The following CREB3L2 variants were observed in gnomAD, a reference collection of about 807,000 sequenced individuals.
The protein encoded by CREB3L2 is cyclic AMP-responsive element-binding protein 3-like protein 2.
A neutral mutation model predicts 57.2 loss-of-function variants in CREB3L2; 23 were observed. The observed-to-expected ratio is 0.40, with a 90% CI of 0.29 to 0.57. The LOEUF (loss-of-function observed/expected upper bound fraction) is 0.57. Among genes scored for constraint, CREB3L2 ranks in the 20% least tolerant of loss-of-function variants. The probability of loss-of-function intolerance (pLI) is 0.42; values close to 1 mark genes in which losing one functional copy is unlikely to be tolerated. For missense variants in CREB3L2, 628 were observed against 634.7 expected (o/e 0.99, Z 0.11); for synonymous variants, 268 against 265.1 (o/e 1.01, Z -0.11).
intron 1 of CREB3L2, among the ~76,000 whole-genome samples, chr7:137,937,324 T>C (rs1800805556): frequency 6.6e-6 from 1 of 152,174 alleles, no homozygotes; most frequent in Non-Finnish European, 1.5e-5. Flanking sequence ...CAAGGCCTCC[T>C]TCCAGCAAAA....
At chr7:137,883,512 T>C (rs1324899690) in intron 10 of CREB3L2, among the ~76,000 whole-genome samples, 2 of 152,230 alleles carry the variant, frequency 1.3e-5, no homozygotes, top group Non-Finnish European at 2.9e-5. Context: ...GTAGGGTTCA[T>C]ATGCCTTTTC....
intron 1 of CREB3L2, among the ~76,000 whole-genome samples, chr7:137,988,473 G>A (rs1377211709): frequency 6.6e-6 from 1 of 152,118 alleles, no homozygotes; most frequent in Admixed American, 6.6e-5. Flanking sequence ...AACCAATTAG[G>A]GCTTGTTTCT....
chr7:137,947,205 C>T (rs988568391), intron 1 of CREB3L2, among the ~76,000 whole-genome samples: 2 of 151,244 alleles, frequency 1.3e-5, no homozygotes, highest in Admixed American at 6.6e-5. Flanking sequence ...CATGCTGGCA[C>T]CCTGATCTCA....
chr7:137,970,095 A>T (rs754695792), intron 1 of CREB3L2, among the ~76,000 whole-genome samples: 9 of 152,200 alleles, frequency 5.9e-5, no homozygotes, highest in Non-Finnish European at 1.3e-4. Flanking sequence ...CCTACACTGG[A>T]ATACCATCTA....
chr7:137,937,823 C>CA (rs3087067), intron 1 of CREB3L2, among the ~76,000 whole-genome samples: 6,840 of 135,070 alleles, frequency 0.051, 540 homozygotes, highest in African/African-American at 0.18. Flanking sequence ...GGCTTATTAC[C>CA]AAAAAAAAAA....
At chr7:137,933,188 T>A (rs1800694299) in intron 1 of CREB3L2, among the ~76,000 whole-genome samples, 1 of 152,192 alleles carries the variant, frequency 6.6e-6, no homozygotes, top group Admixed American at 6.5e-5. Context: ...CAAAACTAAG[T>A]TAACAAAAAG....
intron 1 of CREB3L2, among the ~76,000 whole-genome samples, chr7:137,969,562 G>A (rs1184138361): frequency 3.3e-5 from 5 of 151,162 alleles, no homozygotes; most frequent in Non-Finnish European, 5.9e-5. Context: ...CATGTTAACC[G>A]GGATGGTCTC....
chr7:137,918,019 A>G (rs1221806052), intron 2 of CREB3L2, among the ~76,000 whole-genome samples: 1 of 152,142 alleles, frequency 6.6e-6, no homozygotes, highest in Non-Finnish European at 1.5e-5. Context: ...CCAGAGATGG[A>G]GCAACTGGAC....
intron 8 of CREB3L2, among the ~76,000 whole-genome samples, chr7:137,887,733 C>A (rs887445721): frequency 6.6e-6 from 1 of 151,914 alleles, no homozygotes; most frequent in Non-Finnish European, 1.5e-5. Flanking sequence ...AATTTCTATG[C>A]GTTTCTATCT....
At chr7:137,898,287 G>C (rs1799668384) in intron 8 of CREB3L2, among the ~76,000 whole-genome samples, 1 of 152,144 alleles carries the variant, frequency 6.6e-6, no homozygotes, top group South Asian at 2.1e-4. Flanking sequence ...GTGGAGAAAA[G>C]GGAACCCTTC....
At chr7:137,954,343 G>A (rs1227056642) in intron 1 of CREB3L2, among the ~76,000 whole-genome samples, 1 of 152,128 alleles carries the variant, frequency 6.6e-6, no homozygotes, top group Admixed American at 6.5e-5. Flanking sequence ...AAATACTCTT[G>A]CTCTTGCAGG....
intron 1 of CREB3L2, among the ~76,000 whole-genome samples, chr7:137,930,492 G>A (rs1377722783): frequency 6.6e-6 from 1 of 152,240 alleles, no homozygotes; most frequent in African/African-American, 2.4e-5. Context: ...GGGAAGATGG[G>A]AGATGTCCCT....
chr7:137,957,718 G>A, intron 1 of CREB3L2: 1 of 1,260,740 alleles, frequency 7.9e-7, no homozygotes, highest in Non-Finnish European at 1.0e-6. Context: ...CAATTTACAG[G>A]CTTCACAAGT....
rs150711463 is a variant in CREB3L2, at chr7:137,891,540, T to C, written c.1044-6038A>G. Among the ~76,000 whole-genome samples, 308 of 152,014 alleles carry C rather than the reference T, an allele frequency of 2.0e-3. 1 individual carries two copies. The highest frequency in any genetic ancestry group is 7.0e-3 in the African/African-American group (289 of 41,496). ...TGGTGGTTCCCAATTATTTGCTGTG[T>C]TGGGAGCTTCAACTTAGGCCCTCTC... On this transcript the variant is annotated intron_variant, in intron 8 of 11. Coordinates refer to ENST00000330387, the MANE Select transcript of CREB3L2 (RefSeq NM_194071.4).
intron 2 of CREB3L2, among the ~76,000 whole-genome samples, chr7:137,919,243 C>T (rs1460756032): frequency 4.6e-5 from 7 of 150,716 alleles, no homozygotes; most frequent in Non-Finnish European, 1.0e-4. Flanking sequence ...GTGATCTCGG[C>T]TCACTGCAAC....
At chr7:137,996,675 G>A (rs1371759610) in intron 1 of CREB3L2, among the ~76,000 whole-genome samples, 1 of 152,216 alleles carries the variant, frequency 6.6e-6, no homozygotes, top group Non-Finnish European at 1.5e-5. Flanking sequence ...GTAAGACATG[G>A]AAGCCAGATG....
At chr7:137,923,288 G>C (rs1800376384) in intron 2 of CREB3L2, among the ~76,000 whole-genome samples, 1 of 152,130 alleles carries the variant, frequency 6.6e-6, no homozygotes, top group South Asian at 2.1e-4. Flanking sequence ...AAAATAAAAA[G>C]GGGAAACATC....
chr7:137,923,965 A>G (rs1439153567), intron 2 of CREB3L2, among the ~76,000 whole-genome samples: 2 of 152,152 alleles, frequency 1.3e-5, no homozygotes, highest in Middle Eastern at 3.2e-3. Flanking sequence ...GCCCTTCTCC[A>G]GCCTGTCCCA....
chr7:137,937,143 C>T (rs894069694), intron 1 of CREB3L2, among the ~76,000 whole-genome samples: 8 of 152,142 alleles, frequency 5.3e-5, no homozygotes, highest in South Asian at 2.1e-4. Context: ...GATAGTTCTC[C>T]GGCAGGCAGG....
Sources: allele counts gnomAD v4.1 joint callset (sites outside exome capture counted in the v4.1 genomes callset), GRCh38; gene constraint gnomAD v4.1.1; transcripts MANE v1.5; gene names NCBI Gene and HGNC (gene_info 2026-07-23, HGNC 2026-07-21).